Variants in AAGAB observed in about 807,000 individuals in gnomAD.
AAGAB encodes the protein alpha- and gamma-adaptin-binding protein p34.
AAGAB carries 38 observed loss-of-function variants against 44.1 expected under a neutral mutation model. The ratio of observed to expected loss-of-function variants is 0.86; its 90% CI spans 0.67 to 1.13. The LOEUF is 1.13. Ranked by LOEUF, AAGAB falls within the 50% of genes most tolerant of loss-of-function variation. The pLI, the probability that AAGAB is intolerant of heterozygous loss-of-function variation, is 0.00. For missense variants in AAGAB, 450 were observed against 373.8 expected (o/e 1.20, Z -1.68); for synonymous variants, 131 against 131.8 (o/e 0.99, Z 0.04).
At chr15:67,250,011 T>A (rs4776909) in intron 1 of AAGAB, among the ~76,000 whole-genome samples, 32,498 of 152,190 alleles carry the variant, frequency 0.21, 4,133 homozygotes, top group East Asian at 0.47. Flanking sequence ...AGAAACTGAA[T>A]GAACTACAGT....
intron 5 of AAGAB, among the ~76,000 whole-genome samples, chr15:67,215,051 C>T (rs1330390531): frequency 6.6e-6 from 1 of 152,104 alleles, no homozygotes; most frequent in Non-Finnish European, 1.5e-5. Flanking sequence ...AAATATCCTC[C>T]CTCATATTCT....
intron 5 of AAGAB, among the ~76,000 whole-genome samples, chr15:67,227,190 A>G (rs1439086838): frequency 3.3e-5 from 5 of 152,242 alleles, no homozygotes; most frequent in African/African-American, 1.2e-4. Context: ...CATAATCCCA[A>G]ATAATCAACT....
chr15:67,221,627 T>C (rs981020662), intron 5 of AAGAB, among the ~76,000 whole-genome samples: 3 of 152,204 alleles, frequency 2.0e-5, no homozygotes, highest in Admixed American at 2.0e-4. Flanking sequence ...TGATTCTCAA[T>C]GGGAGCCAGG....
chr15:67,213,560 AT>A (rs941677537), intron 5 of AAGAB, among the ~76,000 whole-genome samples: 1 of 151,988 alleles, frequency 6.6e-6, no homozygotes, highest in African/African-American at 2.4e-5. Context: ...TTTAAAAAGT[AT>A]TTTTTTCCTT....
At chr15:67,208,717 C>T (rs1963741174) in intron 6 of AAGAB, 59 bp from the exon 7 acceptor site, 1 of 1,488,788 alleles carries the variant, frequency 6.7e-7, no homozygotes, top group African/African-American at 1.4e-5. Context: ...AGAACTAAAT[C>T]CAAAAAAGCT....
chr15:67,251,816 C>T (rs1226058779), intron 1 of AAGAB, among the ~76,000 whole-genome samples: 1 of 152,192 alleles, frequency 6.6e-6, no homozygotes, highest in African/African-American at 2.4e-5. Context: ...TAGAGTCAAC[C>T]TGTGATTAAT....
intron 7 of AAGAB, among the ~76,000 whole-genome samples, chr15:67,205,638 T>G (rs1455861820): frequency 6.6e-6 from 1 of 152,202 alleles, no homozygotes; most frequent in Non-Finnish European, 1.5e-5. Flanking sequence ...TCTGTAACAC[T>G]GAATGCTGCC....
intron 7 of AAGAB, among the ~76,000 whole-genome samples, chr15:67,205,183 T>C (rs1963658128): frequency 6.6e-6 from 1 of 152,246 alleles, no homozygotes; most frequent in African/African-American, 2.4e-5. Flanking sequence ...CCAATGACTA[T>C]GACCTTAACC....
chr15:67,218,985 C>T (rs978908632), intron 5 of AAGAB, among the ~76,000 whole-genome samples: 10 of 152,214 alleles, frequency 6.6e-5, no homozygotes, highest in Admixed American at 5.9e-4. Context: ...GCAGTCCTAA[C>T]CACTTCATTT....
At position 67,242,230 on chromosome 15, in the gene AAGAB, T is replaced by C. The variant is rs946157178; in HGVS notation, c.74-5410A>G. Among the ~76,000 whole-genome samples, 4 of 96,734 alleles carry C rather than the reference T, an allele frequency of 4.1e-5. 2 individuals are homozygous for C. Among genetic ancestry groups the C allele is most frequent in the East Asian group, 1.3e-3 (2 of 1,532 alleles). The allele number at this position is 96,734 out of a possible 152,430, so 63.5% of individuals were successfully genotyped here. On this transcript the variant is annotated intron_variant, in intron 1 of 9. Transcript: ENST00000261880. ...TGAGGTCAGGAGATCGAGACCATCC[T>C]GGCTAACAAGGTGAAACCCCGTCTC...
upstream of AAGAB, chr15:67,255,052 C>G (rs1778150773): frequency 9.0e-7 from 1 of 1,115,332 alleles, no homozygotes; most frequent in East Asian, 2.6e-5. Context: ...TGCGCCGCCC[C>G]TAGACTCCCT....
chr15:67,236,120 A>G, intron 3 of AAGAB, 52 bp from the exon 4 acceptor site: 7 of 1,352,392 alleles, frequency 5.2e-6, no homozygotes, highest in Non-Finnish European at 7.4e-6. Context: ...ATAAAACATG[A>G]CTATTCCTGC....
At chr15:67,215,576 TG>T (rs1963925650) in intron 5 of AAGAB, among the ~76,000 whole-genome samples, 1 of 152,242 alleles carries the variant, frequency 6.6e-6, no homozygotes, top group Non-Finnish European at 1.5e-5. Flanking sequence ...ATGTTTTTCC[TG>T]TATTATAAAC....
At chr15:67,204,014 G>T in intron 8 of AAGAB, 30 bp downstream of exon 8, 2 of 1,334,292 alleles carry the variant, frequency 1.5e-6, no homozygotes, top group South Asian at 2.4e-5. Context: ...ATCAACATGG[G>T]AACATATTAG....
chr15:67,242,907 G>T (rs1264886237), intron 1 of AAGAB: 1 of 152,180 alleles, frequency 6.6e-6, no homozygotes, highest in Non-Finnish European at 1.5e-5. Flanking sequence ...CAATAGTACA[G>T]AGATTCTGGG....
intron 1 of AAGAB, among the ~76,000 whole-genome samples, chr15:67,240,654 T>C (rs1179290900): frequency 6.6e-6 from 1 of 152,208 alleles, no homozygotes; most frequent in Admixed American, 6.5e-5. Context: ...TTTGAGAAAC[T>C]TTTTACAAAG....
At position 67,235,989 on chromosome 15, in the gene AAGAB, A is replaced by G. The variant is rs1407351989; in HGVS notation, c.441T>C (p.Pro147=). 7.5e-6 allele frequency: 12 copies of G among 1,609,122 alleles called. No homozygotes were observed. Among genetic ancestry groups the G allele is most frequent in the South Asian group, 3.3e-5 (3 of 90,458 alleles). The change falls in exon 4 of 10, where the codon CCT becomes CCC. Residue 147 remains proline, a synonymous_variant. Transcript: ENST00000261880. ...ELVELSPEEL[P]EEDDDFPEST... Reference sequence around the variant, plus strand: ...CACATAAACACTTACCATCCTCCTCAGGCAACTCCTCTGGACTAAGTTCTA... The same window carrying G: ...CACATAAACACTTACCATCCTCCTCGGGCAACTCCTCTGGACTAAGTTCTA...
At chr15:67,237,075 T>C (rs1317800538) in intron 1 of AAGAB, among the ~76,000 whole-genome samples, 3 of 151,998 alleles carry the variant, frequency 2.0e-5, no homozygotes, top group African/African-American at 7.2e-5. Flanking sequence ...GATTAGACAG[T>C]AGTAAAGGAA....
At chr15:67,247,592 T>C (rs1596018483) in intron 1 of AAGAB, among the ~76,000 whole-genome samples, 1 of 152,280 alleles carries the variant, frequency 6.6e-6, no homozygotes, top group Non-Finnish European at 1.5e-5. Context: ...CCACTGGTAT[T>C]TCTCCTCCTA....
Sources: gnomAD v4.1 joint callset for allele counts (sites outside exome capture counted in the v4.1 genomes callset) on GRCh38, gnomAD v4.1.1 for gene constraint, MANE v1.5 for transcripts, NCBI Gene and HGNC (gene_info 2026-07-23, HGNC 2026-07-21) for gene names.